The following FIGN variants were observed in gnomAD, a reference collection of about 807,000 sequenced individuals.
FIGN encodes the protein fidgetin, microtubule severing factor.
In FIGN, 11 loss-of-function variants were observed where a neutral mutation model predicts 51.3. The observed-to-expected ratio is 0.21, with a 90% CI of 0.13 to 0.35. FIGN has a LOEUF of 0.35. FIGN is among the 10% of genes least tolerant of loss of function. The pLI is 1.00. For missense variants in FIGN, 857 were observed against 943.6 expected (o/e 0.91, Z 1.20); for synonymous variants, 407 against 363.2 (o/e 1.12, Z -1.37).
chr2:163,682,985 T>C (rs1483777209), intron 2 of FIGN, among the ~76,000 whole-genome samples: 2 of 152,182 alleles, frequency 1.3e-5, no homozygotes, highest in African/African-American at 4.8e-5. Context: ...TTTTTTTCTT[T>C]TAGCAGTGAA....
chr2:163,734,807 A>G, intron 2 of FIGN, 96 bp downstream of exon 2: 2 of 1,107,368 alleles, frequency 1.8e-6, no homozygotes, highest in African/African-American at 1.6e-5. Flanking sequence ...TATCATGAGC[A>G]ACTGCTTGCC....
chr2:163,628,726 G>A (rs1683095871), intron 2 of FIGN, among the ~76,000 whole-genome samples: 1 of 151,956 alleles, frequency 6.6e-6, no homozygotes, highest in African/African-American at 2.4e-5. Context: ...AAAGGAAAGG[G>A]GGCATTTAAA....
At chr2:163,648,680 G>A (rs377074293) in intron 2 of FIGN, among the ~76,000 whole-genome samples, 2 of 152,040 alleles carry the variant, frequency 1.3e-5, no homozygotes, top group Non-Finnish European at 1.5e-5. Context: ...ACATTTTTTG[G>A]TACATCAAAA....
intron 2 of FIGN, among the ~76,000 whole-genome samples, chr2:163,688,957 C>T (rs962427563): frequency 2.0e-5 from 3 of 151,934 alleles, no homozygotes; most frequent in African/African-American, 7.3e-5. Context: ...ATCCCTTGAG[C>T]CCAGGAGTTC....
At chr2:163,721,756 C>A (rs1427988116) in intron 2 of FIGN, among the ~76,000 whole-genome samples, 1 of 152,022 alleles carries the variant, frequency 6.6e-6, no homozygotes, top group Non-Finnish European at 1.5e-5. Context: ...CTCTCAAGAG[C>A]CCAAATTGGA....
At chr2:163,715,945 T>A (rs1684660207) in intron 2 of FIGN, among the ~76,000 whole-genome samples, 1 of 152,226 alleles carries the variant, frequency 6.6e-6, no homozygotes. Context: ...CTCTAATTTA[T>A]ATGCAAATTC....
At position 163,610,639 on chromosome 2, in the gene FIGN, G is replaced by T; in HGVS notation, c.1193C>A (p.Ala398Asp). The part of the protein sequence containing the change: ...QRKFSSQSSR[A>D]LTPPSYSTAK... ...AGTACTGTAGGAAGGAGGGGTCAGA[G>T]CCCTACTGGACTGGCTGCTGAATTT... The change falls in exon 3 of 3, where the codon GCT becomes GAT. Residue 398 changes from alanine to aspartate, a missense_variant. Ala to Asp is a moderately radical substitution (Grantham distance 126, BLOSUM62 -2). Transcript: ENST00000333129. The T allele has an allele frequency of 6.2e-7, 1 of 1,614,206 alleles. No individual in the cohort carries two copies. The highest frequency in any genetic ancestry group is 8.5e-7 in the Non-Finnish European group (1 of 1,180,036).
intron 2 of FIGN, among the ~76,000 whole-genome samples, chr2:163,662,860 T>C (rs1053758547): frequency 1.3e-5 from 2 of 152,344 alleles, no homozygotes; most frequent in African/African-American, 2.4e-5. Flanking sequence ...TGAGATCTGA[T>C]GGATTTATCA....
intron 2 of FIGN, among the ~76,000 whole-genome samples, chr2:163,698,407 C>T (rs1472787665): frequency 1.3e-5 from 2 of 152,034 alleles, no homozygotes; most frequent in African/African-American, 2.4e-5. Context: ...CTCCCTGGCG[C>T]CACTCCTAGT....
chr2:163,724,711 A>G (rs1684813496), intron 2 of FIGN, among the ~76,000 whole-genome samples: 1 of 152,142 alleles, frequency 6.6e-6, no homozygotes, highest in Non-Finnish European at 1.5e-5. Context: ...TCCATCTTCA[A>G]TGGATTTTAT....
chr2:163,663,870 G>A (rs1303606537), intron 2 of FIGN, among the ~76,000 whole-genome samples: 4 of 150,352 alleles, frequency 2.7e-5, no homozygotes, highest in African/African-American at 4.9e-5. Flanking sequence ...AAACAAGAAC[G>A]AAACTCCATC....
In FIGN at chr2:163,678,359, T is replaced by C. The variant is rs1231140289; in HGVS notation, c.25+56544A>G. Among the ~76,000 whole-genome samples, 13 of 152,252 alleles carry C rather than the reference T, an allele frequency of 8.5e-5. No homozygotes were observed. In the South Asian group the frequency reaches 2.5e-3, roughly 29 times the overall value. On this transcript the variant is annotated intron_variant, in intron 2 of 2. Transcript: ENST00000333129. ...CCTCAGCCTCCCGAGTAGCTGGGAT[T>C]ACAGGTGCCTGCCATCACGCCCAGC... is the stretch of plus-strand genomic sequence containing the variant.
chr2:163,674,068 T>G (rs959054901), intron 2 of FIGN, among the ~76,000 whole-genome samples: 3 of 152,196 alleles, frequency 2.0e-5, no homozygotes, highest in African/African-American at 4.8e-5. Context: ...GCAGCTATTA[T>G]ACACAAAATC....
chr2:163,608,837 T>C lies in FIGN; in HGVS notation c.*715A>G, dbSNP rs1173250288. Reference sequence around the variant, plus strand: ...GGTAAACATACATTTTAATATAAAGTAACATTGAAGCCTATCCTATTACTC... The same window carrying C: ...GGTAAACATACATTTTAATATAAAGCAACATTGAAGCCTATCCTATTACTC... On this transcript the variant is annotated 3_prime_UTR_variant, in exon 3 of 3. Transcript: ENST00000333129. 1 of 152,640 alleles carries C rather than the reference T, an allele frequency of 6.6e-6. No individual in the cohort carries two copies. Among genetic ancestry groups the C allele is most frequent in the Non-Finnish European group, 1.5e-5 (1 of 68,034 alleles). The allele number at this position is 152,640 out of a possible 1,614,324, so 9.5% of individuals were successfully genotyped here.
Position 163,660,891 on chromosome 2 carries a change from T to A in FIGN, c.26-49085A>T, listed in dbSNP as rs1299923870. Reference sequence around the variant, plus strand: ...TATATATATATATATTTTTTTTTTTTTTTTTTTTTTTTTTGAGATGGAGTC... The same window carrying A: ...TATATATATATATATTTTTTTTTTTATTTTTTTTTTTTTTGAGATGGAGTC... On this transcript the variant is annotated intron_variant, in intron 2 of 2. Transcript: ENST00000333129. 2.8e-4 allele frequency among the ~76,000 whole-genome samples: 9 copies of A among 32,534 alleles called. 1 individual carries two copies. The highest frequency in any genetic ancestry group is 1.5e-3 in the South Asian group (1 of 682). 21.3% of individuals were successfully genotyped at this position (32,534 alleles called of 152,430 possible).
intron 2 of FIGN, among the ~76,000 whole-genome samples, chr2:163,676,005 C>T (rs1683957272): frequency 6.6e-6 from 1 of 151,560 alleles, no homozygotes; most frequent in Non-Finnish European, 1.5e-5. Context: ...CCTACAAGAT[C>T]ATTGTGACTT....
intron 2 of FIGN, among the ~76,000 whole-genome samples, chr2:163,672,546 A>G (rs1683894551): frequency 6.6e-6 from 1 of 152,222 alleles, no homozygotes; most frequent in South Asian, 2.1e-4. Context: ...GGTGCTTCAC[A>G]GATATTTGCA....
At chr2:163,650,361 T>C (rs1269053862) in intron 2 of FIGN, among the ~76,000 whole-genome samples, 3 of 151,702 alleles carry the variant, frequency 2.0e-5, no homozygotes, top group African/African-American at 7.3e-5. Context: ...CACATAAATA[T>C]ATATAGGCAT....
intron 2 of FIGN, among the ~76,000 whole-genome samples, chr2:163,683,385 GT>G (rs1175929328): frequency 4.6e-5 from 7 of 152,164 alleles, no homozygotes; most frequent in Admixed American, 4.6e-4. Context: ...TTGTTCGAAA[GT>G]GTCTGGTAAC....
Sources: allele counts gnomAD v4.1 joint callset (sites outside exome capture counted in the v4.1 genomes callset), GRCh38; gene constraint gnomAD v4.1.1; transcripts MANE v1.5; gene names NCBI Gene and HGNC (gene_info 2026-07-23, HGNC 2026-07-21).